The following ELP4 variants were observed in gnomAD, a reference collection of about 807,000 sequenced individuals.
The protein encoded by ELP4 is elongator complex protein 4.
Under a neutral mutation model 48.9 loss-of-function variants are expected in ELP4, and 51 were observed. The observed-to-expected ratio is 1.04, with a 90% CI of 0.83 to 1.32. The LOEUF (loss-of-function observed/expected upper bound fraction) is 1.32, where lower values mean the gene tolerates loss of function less well. ELP4 is among the 40% of genes most tolerant of loss of function. The probability of loss-of-function intolerance (pLI) is 0.00; values close to 1 mark genes in which losing one functional copy is unlikely to be tolerated. For missense variants in ELP4, 519 were observed against 514.6 expected (o/e 1.01, Z -0.08); for synonymous variants, 210 against 189.2 (o/e 1.11, Z -0.90).
intron 2 of ELP4, among the ~76,000 whole-genome samples, chr11:31,538,668 C>T (rs1956544034): frequency 6.6e-6 from 1 of 151,152 alleles, no homozygotes; most frequent in Non-Finnish European, 1.5e-5. Context: ...TATTTAAAAC[C>T]AAATTATATT....
intron 9 of ELP4, chr11:31,715,052 A>G (rs909706724): frequency 2.8e-6 from 1 of 361,936 alleles, no homozygotes; most frequent in Non-Finnish European, 4.9e-6. Flanking sequence ...ACTCATCAGT[A>G]ACCACTATGA....
intron 9 of ELP4, among the ~76,000 whole-genome samples, chr11:31,697,028 A>G (rs1197710043): frequency 1.3e-5 from 2 of 152,106 alleles, no homozygotes; most frequent in African/African-American, 4.8e-5. Context: ...CTGATAAAAC[A>G]GACTTTAAAC....
chr11:31,552,412 G>C (rs147181791), intron 3 of ELP4, among the ~76,000 whole-genome samples: 1 of 152,102 alleles, frequency 6.6e-6, no homozygotes, highest in African/African-American at 2.4e-5. Flanking sequence ...TGTATATCCA[G>C]CTCCCTACAG....
Position 31,790,227 on chromosome 11 carries a change from C to A in ELP4, c.*6703C>A. 2 of 538,096 alleles carry A rather than the reference C, an allele frequency of 3.7e-6. No homozygotes were observed. Among genetic ancestry groups the A allele is most frequent in the Non-Finnish European group, 6.4e-6 (2 of 313,830 alleles). 33.3% of individuals were successfully genotyped at this position (538,096 alleles called of 1,614,324 possible). A position where few individuals can be genotyped will look rare whatever the true frequency, so the allele number is the denominator to read the frequency against. Reference sequence around the variant, plus strand: ...ATATATGTATATATACCTATTGGATCCCAAGTACCCCCCACCCCAATCCAA... The same window carrying A: ...ATATATGTATATATACCTATTGGATACCAAGTACCCCCCACCCCAATCCAA... On this transcript the variant is annotated 3_prime_UTR_variant, in exon 10 of 10. Coordinates refer to ENST00000640961, the MANE Select transcript of ELP4 (RefSeq NM_019040.5).
At chr11:31,697,374 C>A (rs543056353) in intron 9 of ELP4, among the ~76,000 whole-genome samples, 16 of 152,094 alleles carry the variant, frequency 1.1e-4, no homozygotes, top group Non-Finnish European at 1.6e-4. Flanking sequence ...ATTTCAGTTT[C>A]TGTATTATAA....
At position 31,623,375 on chromosome 11, in the gene ELP4, ATATATATATATATAT is replaced by A. The variant is rs1463806727; in HGVS notation, c.654-3734_654-3720del. Among the ~76,000 whole-genome samples the A allele has an allele frequency of 7.1e-4, 80 of 112,916 alleles. 3 individuals are homozygous for A. The highest frequency in any genetic ancestry group is 1.1e-3 in the Non-Finnish European group (63 of 55,630). 74.1% of individuals were successfully genotyped at this position (112,916 alleles called of 152,430 possible). On this transcript the variant is annotated intron_variant, in intron 5 of 9. Transcript: ENST00000640961. ...AGCAAATATATATATATATATATATATATATATATATATATAAAACTAGAAACATTGCTGGCAAAG... is the reference window on the plus strand; with the variant it reads ...AGCAAATATATATATATATATATATAAAAACTAGAAACATTGCTGGCAAAG...
intron 9 of ELP4, among the ~76,000 whole-genome samples, chr11:31,770,487 G>T (rs1403880413): frequency 6.7e-6 from 1 of 148,624 alleles, no homozygotes; most frequent in African/African-American, 2.5e-5. Flanking sequence ...AAATCCAGCT[G>T]TGTTATTTCA....
At chr11:31,558,366 CAGG>C (rs755285628) in intron 3 of ELP4, among the ~76,000 whole-genome samples, 2 of 152,118 alleles carry the variant, frequency 1.3e-5, no homozygotes, top group Admixed American at 6.5e-5. Context: ...TTAAAATGTA[CAGG>C]AGAATAAACC....
Position 31,607,377 on chromosome 11 carries a change from TGTG to T in ELP4, c.653+3473_653+3475del, listed in dbSNP as rs1957895372. ...ATGAGAAAATAAAAGTGTTGGCAGG[TGTG>T]GTTGTCTGGTGAGGCCAGCACTCTG... On this transcript the variant is annotated intron_variant, in intron 5 of 9. Transcript: ENST00000640961. 4.6e-5 allele frequency among the ~76,000 whole-genome samples: 7 copies of T among 152,200 alleles called. No homozygotes were observed. The South Asian group carries it at 1.5e-3, about 32-fold the overall frequency.
chr11:31,641,842 A>G (rs1945104670), intron 7 of ELP4, among the ~76,000 whole-genome samples: 1 of 151,874 alleles, frequency 6.6e-6, no homozygotes, highest in African/African-American at 2.4e-5. Flanking sequence ...AGTATCTTTA[A>G]CCTGCTACTG....
At chr11:31,738,976 A>G (rs575864994) in intron 9 of ELP4, among the ~76,000 whole-genome samples, 3 of 152,340 alleles carry the variant, frequency 2.0e-5, no homozygotes, top group African/African-American at 7.2e-5. Context: ...ATGCAATTGC[A>G]TAAGTTCTAG....
chr11:31,509,862 C>A lies in ELP4; in HGVS notation c.78C>A (p.Val26=), dbSNP rs766883646. The change falls in exon 1 of 10, where the codon GTC becomes GTA. Residue 26 remains valine, a synonymous_variant. Transcript: ENST00000640961. ...TGGCGACAGCCAGCAAGAGCAACGT[C>A]ACCAGTTTCCAGAGGAGGGGTCCTA... ...SAVATASKSN[V]TSFQRRGPRA... is the part of the protein sequence containing the mutation. 6.2e-7 allele frequency: 1 copy of A among 1,614,208 alleles called. No homozygotes were observed. Among genetic ancestry groups the A allele is most frequent in the Non-Finnish European group, 8.5e-7 (1 of 1,180,042 alleles).
intron 3 of ELP4, among the ~76,000 whole-genome samples, chr11:31,549,986 T>G (rs1956814017): frequency 6.6e-6 from 1 of 151,868 alleles, no homozygotes; most frequent in South Asian, 2.1e-4. Flanking sequence ...GGGACTGTTG[T>G]GAGGTGGGGT....
At chr11:31,714,347 GA>G (rs1232852906) in intron 9 of ELP4, among the ~76,000 whole-genome samples, 3 of 152,028 alleles carry the variant, frequency 2.0e-5, no homozygotes, top group Non-Finnish European at 4.4e-5. Context: ...AAATTGTAAA[GA>G]AAAATTTTTT....
chr11:31,777,352 A>G (rs1948270879), intron 9 of ELP4, among the ~76,000 whole-genome samples: 1 of 152,176 alleles, frequency 6.6e-6, no homozygotes, highest in African/African-American at 2.4e-5. Flanking sequence ...AGCAGGGGAG[A>G]CTATGAACAC....
intron 9 of ELP4, among the ~76,000 whole-genome samples, chr11:31,743,615 A>C (rs1289017056): frequency 6.6e-6 from 1 of 152,182 alleles, no homozygotes; most frequent in Non-Finnish European, 1.5e-5. Flanking sequence ...GCTCAACTAC[A>C]TGGAAACTGA....
In ELP4 at chr11:31,785,468, T is replaced by C. The variant is rs975983301; in HGVS notation, c.*1944T>C. 4 of 187,654 alleles carry C rather than the reference T, an allele frequency of 2.1e-5. No individual in the cohort carries two copies. Among genetic ancestry groups the C allele is most frequent in the African/African-American group, 9.3e-5 (4 of 42,842 alleles). 11.6% of individuals were successfully genotyped at this position (187,654 alleles called of 1,614,324 possible). The stretch of plus-strand genomic sequence containing the variant: ...ATTAACAGCCAATTACTAGTTAATA[T>C]ATGCTTTGCAAATAGATAACTACTA... On this transcript the variant is annotated 3_prime_UTR_variant, in exon 10 of 10. Transcript: ENST00000640961.
At chr11:31,626,950 A>G (rs906189205) in intron 5 of ELP4, among the ~76,000 whole-genome samples, 160 bp from the exon 6 acceptor site, 4 of 151,876 alleles carry the variant, frequency 2.6e-5, no homozygotes, top group Non-Finnish European at 5.9e-5. Flanking sequence ...CCCTGTATGT[A>G]TTGACTTTAT....
At chr11:31,548,696 G>T (rs1211061145) in intron 3 of ELP4, among the ~76,000 whole-genome samples, 1 of 152,074 alleles carries the variant, frequency 6.6e-6, no homozygotes, top group Non-Finnish European at 1.5e-5. Flanking sequence ...TAAGCCAAAA[G>T]AACAAAGCTG....
Sources: gnomAD v4.1 joint callset for allele counts (sites outside exome capture counted in the v4.1 genomes callset) on GRCh38, gnomAD v4.1.1 for gene constraint, MANE v1.5 for transcripts, NCBI Gene and HGNC (gene_info 2026-07-23, HGNC 2026-07-21) for gene names.